Variants in CSMD1 observed in about 807,000 individuals in gnomAD.
The protein encoded by CSMD1 is CUB and sushi domain-containing protein 1.
CSMD1 carries 213 observed loss-of-function variants against 417.5 expected under a neutral mutation model. The ratio of observed to expected loss-of-function variants is 0.51; its 90% CI spans 0.46 to 0.57. The LOEUF is 0.57. Ranked by LOEUF, CSMD1 falls within the 20% of genes least tolerant of loss-of-function variation. The pLI is 0.00. For synonymous variants in CSMD1, 2,862 were observed against 1,736.8 expected, an observed-to-expected ratio of 1.65 and a Z score of -16.11; for missense variants, 6,923 against 4,529.7, an observed-to-expected ratio of 1.53 and a Z score of -15.17.
chr8:3,932,355 G>T (rs1810209341), intron 5 of CSMD1, among the ~76,000 whole-genome samples: 1 of 150,478 alleles, frequency 6.6e-6, no homozygotes, highest in South Asian at 2.1e-4. Context: ...GCGACTAGAG[G>T]AATGAATATA....
At chr8:4,185,588 C>G (rs1045763997) in intron 3 of CSMD1, among the ~76,000 whole-genome samples, 1 of 152,134 alleles carries the variant, frequency 6.6e-6, no homozygotes, top group African/African-American at 2.4e-5. Context: ...TCCTACCTAT[C>G]TAGTAAATGT....
intron 19 of CSMD1, among the ~76,000 whole-genome samples, chr8:3,367,495 G>C (rs1247966697): frequency 6.6e-6 from 1 of 151,728 alleles, no homozygotes; most frequent in Non-Finnish European, 1.5e-5. Context: ...GTTAGGAGAG[G>C]TAACAATTGC....
chr8:3,304,296 C>T (rs1029620252), intron 25 of CSMD1, among the ~76,000 whole-genome samples: 2 of 151,884 alleles, frequency 1.3e-5, no homozygotes, highest in East Asian at 3.9e-4. Context: ...ACTATGTTAC[C>T]ATTGAAATAA....
chr8:4,835,850 C>G lies in CSMD1; in HGVS notation c.85+158482G>C, dbSNP rs529091585. Among the ~76,000 whole-genome samples the G allele has an allele frequency of 2.0e-5, 3 of 151,866 alleles. No homozygotes were observed. In the South Asian group the frequency reaches 6.3e-4, roughly 32 times the overall value. ...AATTACTTGTACATCAAGCCAACTACTATGGTCACTAAGTGTTGGTTGATT... is the reference window on the plus strand; with the variant it reads ...AATTACTTGTACATCAAGCCAACTAGTATGGTCACTAAGTGTTGGTTGATT... On this transcript the variant is annotated intron_variant, in intron 1 of 69. Transcript: ENST00000635120.
intron 7 of CSMD1, among the ~76,000 whole-genome samples, chr8:3,672,120 G>A (rs891977945): frequency 1.3e-5 from 2 of 152,144 alleles, no homozygotes; most frequent in African/African-American, 2.4e-5. Context: ...AAGGTTAGGT[G>A]CTGTCTACTT....
intron 12 of CSMD1, among the ~76,000 whole-genome samples, chr8:3,453,349 G>C (rs1014329300): frequency 6.6e-6 from 1 of 151,824 alleles, no homozygotes; most frequent in Non-Finnish European, 1.5e-5. Flanking sequence ...CTCACCTTCT[G>C]CTGGCTTTTG....
intron 1 of CSMD1, among the ~76,000 whole-genome samples, chr8:4,817,273 T>A (rs1266379641): frequency 1.3e-5 from 2 of 152,222 alleles, no homozygotes; most frequent in Non-Finnish European, 2.9e-5. Context: ...CTAATATGTG[T>A]GCCAGGCCTG....
intron 26 of CSMD1, among the ~76,000 whole-genome samples, chr8:3,268,695 G>C (rs1165653299): frequency 6.6e-6 from 1 of 152,154 alleles, no homozygotes; most frequent in Non-Finnish European, 1.5e-5. Context: ...TGATAATCCA[G>C]TGAATTAAAT....
chr8:4,977,106 A>G (rs1465224303), intron 1 of CSMD1, among the ~76,000 whole-genome samples: 3 of 152,308 alleles, frequency 2.0e-5, no homozygotes, highest in East Asian at 3.9e-4. Flanking sequence ...GATGGAGCAC[A>G]TTTATATCAA....
At chr8:4,711,828 A>G (rs1808320236) in intron 1 of CSMD1, among the ~76,000 whole-genome samples, 1 of 152,158 alleles carries the variant, frequency 6.6e-6, no homozygotes, top group African/African-American at 2.4e-5. Context: ...CGAACCAAGT[A>G]GTTTTCTTCT....
intron 5 of CSMD1, among the ~76,000 whole-genome samples, chr8:3,952,735 T>C (rs1811674219): frequency 6.6e-6 from 1 of 152,210 alleles, no homozygotes; most frequent in South Asian, 2.1e-4. Flanking sequence ...CATTTTAAAA[T>C]GGCTTATTGT....
At chr8:4,214,146 G>C (rs757005138) in intron 3 of CSMD1, among the ~76,000 whole-genome samples, 15 of 152,044 alleles carry the variant, frequency 9.9e-5, no homozygotes, top group Admixed American at 2.0e-4. Context: ...CTTAGTTCTT[G>C]GATCTCTACT....
intron 26 of CSMD1, among the ~76,000 whole-genome samples, chr8:3,257,945 T>G (rs1800781687): frequency 6.6e-6 from 1 of 152,108 alleles, no homozygotes; most frequent in Admixed American, 6.5e-5. Flanking sequence ...AGCCACTGTG[T>G]TCAGGACAGA....
intron 6 of CSMD1, among the ~76,000 whole-genome samples, chr8:3,720,634 C>CACACACACACACAA (rs1200560761): frequency 2.6e-5 from 4 of 151,634 alleles, no homozygotes; most frequent in African/African-American, 9.7e-5. Context: ...CACACACACA[C>CACACACACACACAA]ACACACACAC....
At chr8:3,838,535 G>C (rs143269004) in intron 5 of CSMD1, among the ~76,000 whole-genome samples, 23,826 of 130,136 alleles carry the variant, frequency 0.18, 2,299 homozygotes, top group Non-Finnish European at 0.21. Context: ...TATATATATA[G>C]TCTATATATG....
At chr8:4,065,777 C>A (rs1173398311) in intron 3 of CSMD1, among the ~76,000 whole-genome samples, 2 of 152,124 alleles carry the variant, frequency 1.3e-5, no homozygotes, top group Non-Finnish European at 1.5e-5. Flanking sequence ...GGAACTACAG[C>A]AAATAAGAAT....
intron 3 of CSMD1, among the ~76,000 whole-genome samples, chr8:4,274,443 T>C (rs984526671): frequency 2.6e-5 from 4 of 152,176 alleles, no homozygotes; most frequent in African/African-American, 4.8e-5. Flanking sequence ...AAACGCATTA[T>C]TGATTAATCG....
At chr8:3,874,999 C>A (rs1453553565) in intron 5 of CSMD1, among the ~76,000 whole-genome samples, 1 of 151,392 alleles carries the variant, frequency 6.6e-6, no homozygotes, top group African/African-American at 2.4e-5. Context: ...CTGGCTGCAT[C>A]ATCTCAAGAA....
intron 5 of CSMD1, among the ~76,000 whole-genome samples, chr8:3,818,508 C>G (rs1302652345): frequency 2.0e-5 from 3 of 152,164 alleles, no homozygotes; most frequent in African/African-American, 4.8e-5. Context: ...AGAGATACAA[C>G]TGCAGATTAG....
Sources: gnomAD v4.1 joint callset for allele counts (sites outside exome capture counted in the v4.1 genomes callset) on GRCh38, gnomAD v4.1.1 for gene constraint, MANE v1.5 for transcripts, NCBI Gene and HGNC (gene_info 2026-07-23, HGNC 2026-07-21) for gene names.